Variants in FSAF1 observed in about 807,000 individuals in gnomAD.
FSAF1 encodes uncharacterized protein C1orf131.
the FSAF1 span, among the ~76,000 whole-genome samples, chr1:231,230,420 A>G: frequency 6.6e-6 from 1 of 152,326 alleles, no homozygotes; most frequent in Admixed American, 6.5e-5. Flanking sequence ...GATTCCTAGC[A>G]TGGCAGAGAT....
the FSAF1 span, chr1:231,225,616 T>G: frequency 9.1e-7 from 1 of 1,096,896 alleles, no homozygotes. Flanking sequence ...GTCATTGAGA[T>G]ACCATTTTTA....
At chr1:231,235,629 C>A in the FSAF1 span, among the ~76,000 whole-genome samples, 6 of 152,100 alleles carry the variant, frequency 3.9e-5, no homozygotes, top group Non-Finnish European at 8.8e-5. Flanking sequence ...CAAAACAAGA[C>A]CCCAACTCTA....
chr1:231,240,827 A>G, the FSAF1 span, among the ~76,000 whole-genome samples: 3 of 152,186 alleles, frequency 2.0e-5, no homozygotes, highest in Admixed American at 2.0e-4. This position sits in a 1 kb window ranked among gnomAD's most constrained non-coding sequence, Gnocchi z 4.1. Context: ...GGTTTGATGA[A>G]TAACTCAGCA....
the FSAF1 span, among the ~76,000 whole-genome samples, chr1:231,233,925 G>T: frequency 1.3e-5 from 2 of 152,288 alleles, no homozygotes; most frequent in Admixed American, 6.5e-5. Flanking sequence ...AAAGAAAAGG[G>T]ATCAATCAAA....
At chr1:231,239,413 A>G in the FSAF1 span, among the ~76,000 whole-genome samples, 1 of 152,380 alleles carries the variant, frequency 6.6e-6, no homozygotes, top group Admixed American at 6.5e-5. Flanking sequence ...GACCCTTATT[A>G]GCACAATCAC....
At chr1:231,235,937 C>T in the FSAF1 span, among the ~76,000 whole-genome samples, 1 of 152,208 alleles carries the variant, frequency 6.6e-6, no homozygotes, top group Non-Finnish European at 1.5e-5. Context: ...TTTCCTGGGT[C>T]TAGGCAGGGC....
chr1:231,225,947 T>C, the FSAF1 span: 3 of 162,554 alleles, frequency 1.8e-5, no homozygotes, highest in East Asian at 4.8e-4. Context: ...ATTCCCCTTG[T>C]GGTTTTTCAT....
At chr1:231,226,852 C>A in the FSAF1 span, 2 of 1,592,666 alleles carry the variant, frequency 1.3e-6, no homozygotes, top group Non-Finnish European at 1.7e-6. Context: ...AAGAAACAAA[C>A]CATCATATTT....
At chr1:231,236,864 A>C in the FSAF1 span, 1 of 152,208 alleles carries the variant, frequency 6.6e-6, no homozygotes, top group Non-Finnish European at 1.5e-5. Flanking sequence ...TGGTTGCCCC[A>C]AACACCAAGG....
At chr1:231,233,761 C>T in the FSAF1 span, among the ~76,000 whole-genome samples, 1 of 152,188 alleles carries the variant, frequency 6.6e-6, no homozygotes, top group Non-Finnish European at 1.5e-5. Context: ...CCATATTGGC[C>T]AGGCTGGTCT....
the FSAF1 span, chr1:231,225,174 C>A: frequency 2.2e-6 from 1 of 464,072 alleles, no homozygotes. Context: ...ACCCAGACTA[C>A]GCTGCTGTAG....
chr1:231,224,107 G>A, the FSAF1 span: 22 of 722,788 alleles, frequency 3.0e-5, no homozygotes, highest in Middle Eastern at 2.4e-3. Flanking sequence ...TCAGCACCAT[G>A]AAGCAGACAC....
the FSAF1 span, among the ~76,000 whole-genome samples, chr1:231,229,579 T>C: frequency 6.6e-6 from 1 of 152,104 alleles, no homozygotes; most frequent in African/African-American, 2.4e-5. Context: ...CATAATAAAC[T>C]CAGAAGCAAC....
At chr1:231,226,419 C>G in the FSAF1 span, 4 of 390,958 alleles carry the variant, frequency 1.0e-5, no homozygotes, top group East Asian at 2.1e-4. Context: ...CAGTGCTATG[C>G]TTTCCATGCA....
the FSAF1 span, chr1:231,238,143 C>CT: frequency 1.3e-5 from 2 of 151,816 alleles, no homozygotes; most frequent in African/African-American, 4.8e-5. Flanking sequence ...GATCGTGCCA[C>CT]TGCACTCCAG....
At chr1:231,238,379 A>G in the FSAF1 span, 1 of 154,448 alleles carries the variant, frequency 6.5e-6, no homozygotes, top group East Asian at 1.9e-4. Context: ...AGTGCCTACA[A>G]CTGTGGCTAG....
At chr1:231,225,462 A>C in the FSAF1 span, 2 of 1,612,954 alleles carry the variant, frequency 1.2e-6, no homozygotes, top group Non-Finnish European at 1.7e-6. Context: ...ACCTGATAAA[A>C]TCACTCACCT....
chr1:231,241,066 G>T, the FSAF1 span: 1 of 1,614,206 alleles, frequency 6.2e-7, no homozygotes, highest in Non-Finnish European at 8.5e-7. Flanking sequence ...AGAAGTGTCG[G>T]AGAACTGGGA....
At chr1:231,227,307 G>A in the FSAF1 span, among the ~76,000 whole-genome samples, 5 of 151,968 alleles carry the variant, frequency 3.3e-5, no homozygotes, top group Admixed American at 6.6e-5. Context: ...TCTGTTACCC[G>A]CCAGGATGGA....
Sources: allele counts gnomAD v4.1 joint callset (sites outside exome capture counted in the v4.1 genomes callset), GRCh38; gene constraint gnomAD v4.1.1; non-coding constraint Gnocchi (gnomAD v3.1); transcripts MANE v1.5; gene names NCBI Gene and HGNC (gene_info 2026-07-23, HGNC 2026-07-21).